CMSS1: variants seen among roughly 807,000 people sequenced by gnomAD.
CMSS1 encodes cms1 ribosomal small subunit homolog.
In CMSS1, 33 loss-of-function variants were observed where a neutral mutation model predicts 43.5. The observed-to-expected ratio is 0.76, with a 90% CI of 0.57 to 1.01. The LOEUF is 1.01. CMSS1 is among the 50% of genes least tolerant of loss of function. The pLI, the probability that CMSS1 is intolerant of heterozygous loss-of-function variation, is 0.00. For missense variants in CMSS1, 313 were observed against 326.4 expected (o/e 0.96, Z 0.32); for synonymous variants, 115 against 117.2 (o/e 0.98, Z 0.12).
intron 1 of CMSS1, among the ~76,000 whole-genome samples, chr3:99,824,021 C>G (rs1416609731): frequency 1.3e-5 from 2 of 151,670 alleles, no homozygotes; most frequent in Admixed American, 6.6e-5. Context: ...CTCCTGAGTT[C>G]AAATGATTCT....
At chr3:99,958,681 C>A (rs1257737432) in intron 1 of CMSS1, among the ~76,000 whole-genome samples, 1 of 152,112 alleles carries the variant, frequency 6.6e-6, no homozygotes, top group Non-Finnish European at 1.5e-5. Context: ...GGGGGCAGAG[C>A]AGGCAGTGTG....
At chr3:99,887,960 G>A (rs1017431605) in intron 1 of CMSS1, among the ~76,000 whole-genome samples, 3 of 151,720 alleles carry the variant, frequency 2.0e-5, no homozygotes, top group African/African-American at 7.3e-5. Flanking sequence ...GGCTCATCTT[G>A]AACTCCTGGG....
intron 2 of CMSS1, among the ~76,000 whole-genome samples, chr3:100,158,376 G>A (rs1403599097): frequency 6.6e-6 from 1 of 152,132 alleles, no homozygotes; most frequent in African/African-American, 2.4e-5. Flanking sequence ...ACACAGTGTT[G>A]GAATTGGTTT....
chr3:99,848,200 T>C, intron 1 of CMSS1: 1 of 1,564,286 alleles, frequency 6.4e-7, no homozygotes. Context: ...TCTTGGGGGA[T>C]ATGGAGGGAT....
chr3:100,172,546 T>C, intron 8 of CMSS1, 143 bp downstream of exon 8: 1 of 637,196 alleles, frequency 1.6e-6, no homozygotes. Context: ...CTTTAATCTC[T>C]GAAACCAACC....
intron 1 of CMSS1, among the ~76,000 whole-genome samples, chr3:100,144,965 T>C (rs2066835888): frequency 1.3e-5 from 2 of 152,224 alleles, no homozygotes; most frequent in Non-Finnish European, 2.9e-5. Flanking sequence ...GGATTTTTCA[T>C]TGTACTTCGC....
intron 1 of CMSS1, among the ~76,000 whole-genome samples, chr3:100,144,082 G>A (rs553943211): frequency 1.3e-5 from 2 of 152,040 alleles, no homozygotes; most frequent in Admixed American, 6.5e-5. Flanking sequence ...GATATGTTGG[G>A]GGTTTAAATC....
intron 1 of CMSS1, among the ~76,000 whole-genome samples, chr3:100,145,272 C>G (rs772189231): frequency 1.3e-5 from 2 of 152,032 alleles, no homozygotes; most frequent in Non-Finnish European, 2.9e-5. Flanking sequence ...GAATCCCTGC[C>G]TCTACTAAAA....
At chr3:100,176,475 C>T in intron 9 of CMSS1, 60 bp downstream of exon 9, 4 of 1,108,384 alleles carry the variant, frequency 3.6e-6, no homozygotes, top group Non-Finnish European at 4.1e-6. Flanking sequence ...TTGGTTCAAA[C>T]ACAGTAATAA....
At chr3:100,091,953 T>C (rs2066117650) in intron 1 of CMSS1, among the ~76,000 whole-genome samples, 2 of 152,206 alleles carry the variant, frequency 1.3e-5, no homozygotes, top group Admixed American at 1.3e-4. Context: ...GTTAGAATCT[T>C]AACGCTGATC....
At chr3:99,842,574 A>C (rs530367833) in intron 1 of CMSS1, among the ~76,000 whole-genome samples, 1 of 151,988 alleles carries the variant, frequency 6.6e-6, no homozygotes, top group East Asian at 1.9e-4. Context: ...GGCTATGAGG[A>C]GGAAGAAGAA....
In CMSS1 at chr3:100,037,957, G is replaced by GC. The variant is rs1232268596; in HGVS notation, c.65-109016_65-109015insC. ...CGCTTTTCTTTTTTTTTTTTTTTTTGGGGGGGGAGGGAACAGAGTCTCAAA... is the reference window on the plus strand; with the variant it reads ...CGCTTTTCTTTTTTTTTTTTTTTTTGCGGGGGGGAGGGAACAGAGTCTCAAA... On this transcript the variant is annotated intron_variant, in intron 1 of 9. Transcript: ENST00000421999. Among the ~76,000 whole-genome samples the GC allele has an allele frequency of 3.8e-3, 41 of 10,654 alleles. 2 individuals carry two copies. Among genetic ancestry groups the GC allele is most frequent in the East Asian group, 0.027 (5 of 184 alleles). 7.0% of individuals were successfully genotyped at this position (10,654 alleles called of 152,430 possible). A position where few individuals can be genotyped will look rare whatever the true frequency, so the allele number is the denominator to read the frequency against.
chr3:100,158,843 C>T (rs1389804594), intron 2 of CMSS1, among the ~76,000 whole-genome samples: 1 of 152,160 alleles, frequency 6.6e-6, no homozygotes, highest in African/African-American at 2.4e-5. Flanking sequence ...GCTTTGTAAA[C>T]CTAGCACAAA....
intron 1 of CMSS1, among the ~76,000 whole-genome samples, chr3:100,061,158 A>G (rs534193355): frequency 6.6e-6 from 1 of 152,240 alleles, no homozygotes; most frequent in Non-Finnish European, 1.5e-5. Context: ...AAAAAATTTT[A>G]AAAGGAAGGA....
At chr3:99,938,274 A>AC (rs1707753072) in intron 1 of CMSS1, among the ~76,000 whole-genome samples, 1 of 152,192 alleles carries the variant, frequency 6.6e-6, no homozygotes, top group African/African-American at 2.4e-5. Context: ...TATGCACTAC[A>AC]CTATTTTTTA....
chr3:99,965,964 T>C (rs6805884), intron 1 of CMSS1, among the ~76,000 whole-genome samples: 51,056 of 151,976 alleles, frequency 0.34, 9,738 homozygotes, highest in East Asian at 0.5. Context: ...TCTCCCCATA[T>C]GTAAGCCCCT....
At chr3:100,114,974 T>C (rs1429026328) in intron 1 of CMSS1, 5 of 1,533,358 alleles carry the variant, frequency 3.3e-6, no homozygotes. Flanking sequence ...GAGGAAACTC[T>C]AGAGCAACAT....
At position 99,871,957 on chromosome 3, in the gene CMSS1, GCTTATACTTAAGAA is replaced by G. The variant is rs1944809873; in HGVS notation, c.64+53918_64+53931del. On this transcript the variant is annotated intron_variant, in intron 1 of 9. Transcript: ENST00000421999. ...CTTCCTTATCCTTTGCTTTTTTATT[GCTTATACTTAAGAA>G]CTTTGAACCTTTCTACTTTCTTTTT... is the stretch of plus-strand genomic sequence containing the variant. Among the ~76,000 whole-genome samples the G allele has an allele frequency of 3.3e-5, 5 of 151,542 alleles. No individual in the cohort carries two copies. The South Asian group carries it at 1.0e-3, about 32-fold the overall frequency.
intron 1 of CMSS1, among the ~76,000 whole-genome samples, chr3:100,092,272 T>A (rs769703026): frequency 6.6e-6 from 1 of 152,212 alleles, no homozygotes; most frequent in Non-Finnish European, 1.5e-5. Context: ...GTTGACATGC[T>A]GGCTAAAGAT....
Sources: gnomAD v4.1 joint callset for allele counts (sites outside exome capture counted in the v4.1 genomes callset) on GRCh38, gnomAD v4.1.1 for gene constraint, MANE v1.5 for transcripts, NCBI Gene and HGNC (gene_info 2026-07-23, HGNC 2026-07-21) for gene names.